GLYR1: variants seen among roughly 807,000 people sequenced by gnomAD.
GLYR1 encodes the protein cytokine-like nuclear factor N-PAC.
In GLYR1, 21 loss-of-function variants were observed where a neutral mutation model predicts 72.7. The ratio of observed to expected loss-of-function variants is 0.29; its 90% confidence interval spans 0.20 to 0.42. The LOEUF is 0.42. Ranked by LOEUF, GLYR1 falls within the 10% of genes least tolerant of loss-of-function variation. GLYR1 has a pLI of 1.00. For synonymous variants in GLYR1, 392 were observed against 270.2 expected (o/e 1.45, Z -4.42); for missense variants, 594 against 712.1 (o/e 0.83, Z 1.89).
chr16:4,821,810 G>C (rs1019301052), intron 7 of GLYR1: 4 of 616,356 alleles, frequency 6.5e-6, no homozygotes, highest in Non-Finnish European at 8.6e-6. Context: ...GCTGACCATG[G>C]TGTTGAGAAT....
chr16:4,846,800 C>T (rs552764870), intron 1 of GLYR1: 2 of 259,416 alleles, frequency 7.7e-6, no homozygotes, highest in African/African-American at 2.3e-5. Context: ...GCCGGCCGCA[C>T]AGGTCGGCTG....
intron 5 of GLYR1, among the ~76,000 whole-genome samples, chr16:4,830,877 C>T (rs1178436777): frequency 6.6e-6 from 1 of 152,118 alleles, no homozygotes; most frequent in Non-Finnish European, 1.5e-5. Context: ...GCGCTTCCCT[C>T]TTCTCCCTCT....
In GLYR1 at chr16:4,823,925, G is replaced by C. The variant is rs1056094877; in HGVS notation, c.538-18C>G. ...GTGAGATCCTATAGAGGGAGGGGCA[G>C]GGCATTTTAAAATCACATTCAAACC... On this transcript the variant is annotated intron_variant, in intron 5 of 15. Coordinates refer to ENST00000321919, the MANE Select transcript of GLYR1 (RefSeq NM_032569.4). The C allele has an allele frequency of 6.2e-7, 1 of 1,602,850 alleles. No individual in the cohort carries two copies. Among genetic ancestry groups the C allele is most frequent in the Non-Finnish European group, 8.5e-7 (1 of 1,170,026 alleles).
chr16:4,829,018 T>G (rs1037559496), intron 5 of GLYR1, among the ~76,000 whole-genome samples: 5 of 152,054 alleles, frequency 3.3e-5, no homozygotes, highest in African/African-American at 9.7e-5. Flanking sequence ...AACTCAGAAG[T>G]CACATTACAT....
At chr16:4,810,699 T>TAAAA (rs551202037) in intron 15 of GLYR1, among the ~76,000 whole-genome samples, 547 of 21,808 alleles carry the variant, frequency 0.025, 112 homozygotes, top group African/African-American at 0.029. Context: ...CTGTCTCTAC[T>TAAAA]AAAAAAAAAA....
At chr16:4,824,310 C>T (rs1344978991) in intron 5 of GLYR1, among the ~76,000 whole-genome samples, 2 of 151,794 alleles carry the variant, frequency 1.3e-5, no homozygotes, top group East Asian at 1.9e-4. Context: ...GTCAAGAGAT[C>T]GAGACCAGCC....
intron 3 of GLYR1, among the ~76,000 whole-genome samples, chr16:4,835,347 A>G (rs1242383412): frequency 1.3e-5 from 2 of 152,230 alleles, no homozygotes; most frequent in African/African-American, 4.8e-5. Context: ...GGAACTGTAC[A>G]GTCAAAATTC....
At chr16:4,807,684 A>G (rs1250408494) in intron 15 of GLYR1, among the ~76,000 whole-genome samples, 2 of 152,208 alleles carry the variant, frequency 1.3e-5, no homozygotes, top group Non-Finnish European at 2.9e-5. Flanking sequence ...TGAATCCTGT[A>G]GTCAGGGTGG....
chr16:4,812,963 A>ATTTTT (rs777147624), intron 12 of GLYR1, among the ~76,000 whole-genome samples: 1 of 98,478 alleles, frequency 1.0e-5, no homozygotes, highest in Non-Finnish European at 2.2e-5. Context: ...TGCCTGGCTA[A>ATTTTT]TTTTTTTTTT....
intron 3 of GLYR1, among the ~76,000 whole-genome samples, chr16:4,837,844 T>A (rs2085253129): frequency 6.6e-6 from 1 of 151,682 alleles, no homozygotes; most frequent in Non-Finnish European, 1.5e-5. Context: ...GGCAGGATAA[T>A]CGCTTGAACC....
chr16:4,831,477 G>C (rs1567760858), intron 5 of GLYR1, among the ~76,000 whole-genome samples: 1 of 151,872 alleles, frequency 6.6e-6, no homozygotes, highest in Non-Finnish European at 1.5e-5. Context: ...CCCTGTTCGA[G>C]AGTATCTCCA....
chr16:4,821,968 G>C (rs748724884), intron 7 of GLYR1, among the ~76,000 whole-genome samples: 5 of 152,210 alleles, frequency 3.3e-5, no homozygotes, highest in Non-Finnish European at 5.9e-5. Context: ...CTACCTCTTG[G>C]AGTGAGCTTG....
At chr16:4,830,489 G>C (rs1478514379) in intron 5 of GLYR1, among the ~76,000 whole-genome samples, 1 of 152,166 alleles carries the variant, frequency 6.6e-6, no homozygotes, top group East Asian at 1.9e-4. Context: ...AGGCAGGTCA[G>C]CTGGGGTGCC....
intron 15 of GLYR1, among the ~76,000 whole-genome samples, chr16:4,808,789 C>A (rs569867980): frequency 6.6e-6 from 1 of 151,524 alleles, no homozygotes; most frequent in Non-Finnish European, 1.5e-5. Context: ...GGAACTTCTA[C>A]CCTAAAAAGC....
Position 4,841,089 on chromosome 16 carries a change from G to T in GLYR1, c.155+3985C>A, listed in dbSNP as rs115531637. 5.4e-3 allele frequency among the ~76,000 whole-genome samples: 829 copies of T among 152,248 alleles called. 8 individuals carry two copies. Among genetic ancestry groups the T allele is most frequent in the African/African-American group, 0.019 (791 of 41,540 alleles). On this transcript the variant is annotated intron_variant, in intron 3 of 15. Transcript: ENST00000321919. ...TAAAAAGTTAAAAATATTGCATTTA[G>T]CAGTTGCTTTGTATCCCACTTGTTT... is the stretch of plus-strand genomic sequence containing the variant.
intron 15 of GLYR1, among the ~76,000 whole-genome samples, chr16:4,806,929 C>G (rs1321956937): frequency 4.7e-5 from 7 of 150,402 alleles, no homozygotes; most frequent in Non-Finnish European, 8.9e-5. Flanking sequence ...GCTTCAGCCT[C>G]CCGAGTAGCT....
intron 1 of GLYR1, 82 bp downstream of exon 1, chr16:4,847,146 A>C: frequency 4.5e-6 from 6 of 1,320,930 alleles, no homozygotes; most frequent in Non-Finnish European, 6.4e-6. Context: ...ATAAAAAGGC[A>C]GCTCCAGGGC....
intron 7 of GLYR1, among the ~76,000 whole-genome samples, chr16:4,822,312 C>G (rs1188075667): frequency 6.6e-6 from 1 of 151,708 alleles, no homozygotes; most frequent in African/African-American, 2.4e-5. Flanking sequence ...GTCTTGAACT[C>G]CTGACCTCAG....
chr16:4,814,025 TA>T (rs1244939922), intron 11 of GLYR1, 187 bp from the exon 12 acceptor site: 15 of 487,524 alleles, frequency 3.1e-5, no homozygotes, highest in African/African-American at 3.0e-4. Context: ...CATTTATCTT[TA>T]AAAAGAATCT....
Sources: allele counts gnomAD v4.1 joint callset (sites outside exome capture counted in the v4.1 genomes callset), GRCh38; gene constraint gnomAD v4.1.1; transcripts MANE v1.5; gene names NCBI Gene and HGNC (gene_info 2026-07-23, HGNC 2026-07-21).